The following MEMO1 variants were observed in gnomAD, a reference collection of about 807,000 sequenced individuals.
MEMO1 encodes mediator of cell motility 1.
MEMO1 carries 6 observed loss-of-function variants against 45.2 expected under a neutral mutation model. That is an observed-to-expected ratio of 0.13 (90% CI 0.07 to 0.26). The LOEUF (loss-of-function observed/expected upper bound fraction) is 0.26, where lower values mean the gene tolerates loss of function less well. Ranked by LOEUF, MEMO1 falls within the 10% of genes least tolerant of loss-of-function variation. MEMO1 has a pLI of 1.00. For synonymous variants in MEMO1, 78 were observed against 124.3 expected (o/e 0.63, Z 2.48); for missense variants, 184 against 370.5 (o/e 0.50, Z 4.13).
intron 2 of MEMO1, among the ~76,000 whole-genome samples, chr2:31,982,527 T>C (rs1215925602): frequency 6.7e-6 from 1 of 149,420 alleles, no homozygotes; most frequent in Non-Finnish European, 1.5e-5. Context: ...GAGGCAGAGG[T>C]TGCAGTGAGC....
chr2:31,884,364 CTTAATG>C (rs67398459), intron 7 of MEMO1, among the ~76,000 whole-genome samples: 13,386 of 152,002 alleles, frequency 0.088, 659 homozygotes, highest in Middle Eastern at 0.18. Context: ...TTTGTATTTC[CTTAATG>C]TTAAAGATTG....
chr2:31,950,914 C>G (rs1333360052), intron 2 of MEMO1, among the ~76,000 whole-genome samples: 1 of 152,176 alleles, frequency 6.6e-6, no homozygotes, highest in African/African-American at 2.4e-5. Flanking sequence ...GAGTCATCAG[C>G]AATCCTTGTT....
intron 2 of MEMO1, among the ~76,000 whole-genome samples, chr2:32,002,186 T>TATACACACAC (rs753352927): frequency 1.7e-5 from 2 of 116,060 alleles, no homozygotes; most frequent in African/African-American, 3.5e-5. Flanking sequence ...TATATATATA[T>TATACACACAC]ACACACACAC....
At chr2:31,926,650 A>G (rs1005379690) in intron 4 of MEMO1, among the ~76,000 whole-genome samples, 2 of 151,984 alleles carry the variant, frequency 1.3e-5, no homozygotes, top group Admixed American at 1.3e-4. Context: ...GCAGTTTGAG[A>G]CCAGTATGGC....
At chr2:32,003,671 G>A (rs569954451) in intron 2 of MEMO1, among the ~76,000 whole-genome samples, 4 of 152,172 alleles carry the variant, frequency 2.6e-5, no homozygotes, top group Non-Finnish European at 5.9e-5. Context: ...GCACAGGAGG[G>A]TAACTTCATG....
chr2:31,906,205 C>T (rs903451183), intron 6 of MEMO1, among the ~76,000 whole-genome samples: 3 of 152,040 alleles, frequency 2.0e-5, no homozygotes, highest in South Asian at 2.1e-4. Context: ...CTCCTGACCT[C>T]GTGATCCACC....
chr2:32,000,659 C>A (rs970651865), intron 2 of MEMO1, among the ~76,000 whole-genome samples: 4 of 152,196 alleles, frequency 2.6e-5, no homozygotes, highest in African/African-American at 9.6e-5. Flanking sequence ...AGCCACCGCA[C>A]CTGGCCGAAG....
intron 3 of MEMO1, among the ~76,000 whole-genome samples, chr2:31,940,536 C>T (rs1426698708): frequency 6.6e-6 from 1 of 152,152 alleles, no homozygotes; most frequent in Non-Finnish European, 1.5e-5. Context: ...TATTTTAAAA[C>T]CATGTCTTAA....
intron 3 of MEMO1, among the ~76,000 whole-genome samples, chr2:31,935,754 C>T (rs756555536): frequency 6.6e-5 from 10 of 152,092 alleles, no homozygotes; most frequent in Non-Finnish European, 1.0e-4. Context: ...ATCTTTCTCT[C>T]GCTAACAGAC....
intron 6 of MEMO1, among the ~76,000 whole-genome samples, chr2:31,913,709 C>G (rs925956122): frequency 2.0e-5 from 3 of 152,046 alleles, no homozygotes; most frequent in Non-Finnish European, 4.4e-5. Context: ...CAGATACGGT[C>G]AAGACTAGTT....
At chr2:31,878,103 G>C (rs1349986155) in intron 8 of MEMO1, among the ~76,000 whole-genome samples, 1 of 152,172 alleles carries the variant, frequency 6.6e-6, no homozygotes, top group Non-Finnish European at 1.5e-5. Flanking sequence ...AAATAGAGTA[G>C]TCAGAAGGCC....
chr2:31,876,824 A>C (rs1163642834), intron 8 of MEMO1, among the ~76,000 whole-genome samples: 1 of 152,010 alleles, frequency 6.6e-6, no homozygotes, highest in Non-Finnish European at 1.5e-5. Flanking sequence ...TCCAAGTCCC[A>C]TCATCAATTT....
intron 7 of MEMO1, among the ~76,000 whole-genome samples, chr2:31,884,579 G>A (rs1675904196): frequency 1.3e-5 from 2 of 152,128 alleles, no homozygotes; most frequent in Admixed American, 1.3e-4. Flanking sequence ...ATGATGGGCA[G>A]TGCAAAATTA....
At chr2:31,995,708 A>T (rs1189884685) in intron 2 of MEMO1, among the ~76,000 whole-genome samples, 1 of 152,072 alleles carries the variant, frequency 6.6e-6, no homozygotes, top group Non-Finnish European at 1.5e-5. Flanking sequence ...AGAGAAAAAA[A>T]AAATCCTCAA....
rs141321084 is a variant in MEMO1 at position 31,882,736 on chromosome 2, TATG to T, written c.657+647_657+649del. The stretch of plus-strand genomic sequence containing the variant: ...TTCCTGCACACTGTCATCATAAGGC[TATG>T]ATGTCTTTTATTTCCAGAGGTAAAG... On this transcript the variant is annotated intron_variant, in intron 8 of 9. Transcript: ENST00000404530. Among the ~76,000 whole-genome samples the T allele has an allele frequency of 6.0e-3, 913 of 152,286 alleles. 11 individuals carry two copies. The highest frequency in any genetic ancestry group is 0.021 in the African/African-American group (856 of 41,572).
chr2:31,967,275 C>G (rs1668745410), intron 2 of MEMO1, among the ~76,000 whole-genome samples: 1 of 152,018 alleles, frequency 6.6e-6, no homozygotes, highest in Non-Finnish European at 1.5e-5. Context: ...AGGTGCCCAC[C>G]ACCACGCCCG....
intron 2 of MEMO1, among the ~76,000 whole-genome samples, chr2:31,972,674 G>A (rs968216819): frequency 6.6e-6 from 1 of 152,086 alleles, no homozygotes; most frequent in Non-Finnish European, 1.5e-5. Context: ...TCGTGCTACT[G>A]CACTCCAGCC....
chr2:31,945,006 T>C (rs1325321929), intron 2 of MEMO1, among the ~76,000 whole-genome samples: 1 of 152,144 alleles, frequency 6.6e-6, no homozygotes, highest in East Asian at 1.9e-4. Context: ...CCTTTGTACA[T>C]CTCCCTCCTT....
intron 8 of MEMO1, among the ~76,000 whole-genome samples, chr2:31,875,609 C>T (rs1241805034): frequency 6.6e-6 from 1 of 152,160 alleles, no homozygotes; most frequent in East Asian, 1.9e-4. Flanking sequence ...CATTCTACCT[C>T]CACCAACATC....
Sources: gnomAD v4.1 joint callset for allele counts (sites outside exome capture counted in the v4.1 genomes callset) on GRCh38, gnomAD v4.1.1 for gene constraint, MANE v1.5 for transcripts, NCBI Gene and HGNC (gene_info 2026-07-23, HGNC 2026-07-21) for gene names.